Variants in PEAK3 observed in about 807,000 individuals in gnomAD.
The protein encoded by PEAK3 is PEAK family member 3.
A neutral mutation model predicts 13.3 loss-of-function variants in PEAK3; 15 were observed. That is an observed-to-expected ratio of 1.13 (90% CI 0.75 to 1.73). PEAK3 has a LOEUF of 1.73. PEAK3 is among the 40% of genes most tolerant of loss of function. The pLI is 0.00. For missense variants in PEAK3, 739 were observed against 690.2 expected, an observed-to-expected ratio of 1.07 and a Z score of -0.79; for synonymous variants, 347 against 341.9, an observed-to-expected ratio of 1.01 and a Z score of -0.17.
Position 2,277,319 on chromosome 19 carries a change from T to A in PEAK3, c.613-830A>T, listed in dbSNP as rs541475768. Among the ~76,000 whole-genome samples, 45 of 152,196 alleles carry A rather than the reference T, an allele frequency of 3.0e-4. 1 individual carries two copies. The highest frequency in any genetic ancestry group is 1.1e-3 in the African/African-American group (44 of 41,532). Reference sequence around the variant, plus strand: ...ATCTCCCTTGGCACTGTCGTTGGGATAACGAGTGAGTTCTCGTGAGATCTG... The same window carrying A: ...ATCTCCCTTGGCACTGTCGTTGGGAAAACGAGTGAGTTCTCGTGAGATCTG... On this transcript the variant is annotated intron_variant, in intron 3 of 3. Coordinates refer to ENST00000342063, the MANE Select transcript of PEAK3 (RefSeq NM_198532.3).
At position 2,275,850 on chromosome 19, in the gene PEAK3, G is replaced by A; in HGVS notation, c.1252C>T (p.Arg418Ter). Residue 418 changes from arginine to a stop codon, truncating the protein, a stop_gained, in exon 4 of 4, where the codon CGA (arginine) becomes TGA (stop). Coordinates refer to ENST00000342063, the MANE Select transcript of PEAK3 (RefSeq NM_198532.3). LOFTEE classifies it low-confidence loss of function (END_TRUNC). ...ACCCGCAGCCAGGGCCCGAGCGCTC[G>A]GAGCCAGGGACCAAGCGGTGCTCCG... ...GRGAPLGPWL[R>*]ALGPWLRVRR... The A allele has an allele frequency of 1.3e-6, 2 of 1,490,074 alleles. No individual in the cohort carries two copies. The highest frequency in any genetic ancestry group is 1.8e-6 in the Non-Finnish European group (2 of 1,126,118). The allele number at this position is 1,490,074 out of a possible 1,614,324, so 92.3% of individuals were successfully genotyped here.
Position 2,275,841 on chromosome 19 carries a change from C to G in PEAK3, c.1261G>C (p.Gly421Arg). 1.3e-6 allele frequency: 2 copies of G among 1,498,688 alleles called. No individual in the cohort carries two copies. The highest frequency in any genetic ancestry group is 1.8e-6 in the Non-Finnish European group (2 of 1,129,822). 92.8% of individuals were successfully genotyped at this position (1,498,688 alleles called of 1,614,324 possible). A position where few individuals can be genotyped will look rare whatever the true frequency, so the allele number is the denominator to read the frequency against. ...CCGCGGCGCACCCGCAGCCAGGGCC[C>G]GAGCGCTCGGAGCCAGGGACCAAGC... is the stretch of plus-strand genomic sequence containing the variant. ...APLGPWLRAL[G>R]PWLRVRRGLL... is the part of the protein sequence containing the mutation. Residue 421 changes from glycine (G) to arginine (R), a missense_variant, in exon 4 of 4, where the codon GGG becomes CGG. Transcript: ENST00000342063.
intron 2 of PEAK3, 152 bp from the exon 3 acceptor site, chr19:2,279,265 A>AAGGT (rs142360555): frequency 0.087 from 53,123 of 612,572 alleles, 4,352 homozygotes; most frequent in East Asian, 0.35. Flanking sequence ...AGCACTTAGG[A>AAGGT]AGGTGGAAGC....
At position 2,280,902 on chromosome 19, in the gene PEAK3, G is replaced by A. The variant is rs377061660; in HGVS notation, c.30C>T (p.Pro10=). The A allele has an allele frequency of 4.3e-5, 69 of 1,589,918 alleles. No individual in the cohort carries two copies. In the South Asian group the frequency reaches 4.4e-4, roughly 10 times the overall value. MSSPEPPTE[P]PEPDNPTWST... is the part of the protein sequence containing the mutation. ...ACCAGGTGGGGTTGTCGGGCTCGGGGGGCTCTGTGGGGGGCTCCGGGCTGC... is the reference window on the plus strand; with the variant it reads ...ACCAGGTGGGGTTGTCGGGCTCGGGAGGCTCTGTGGGGGGCTCCGGGCTGC... The change falls in exon 2 of 4, where the codon CCC becomes CCT. Residue 10 remains proline, a synonymous_variant. Coordinates refer to ENST00000342063, the MANE Select transcript of PEAK3 (RefSeq NM_198532.3).
rs2025375245 is a variant in PEAK3 at position 2,275,434 on chromosome 19, G to A, written c.*246C>T. On this transcript the variant is annotated 3_prime_UTR_variant, in exon 4 of 4. Transcript: ENST00000342063. ...GGCGTGGGGGCCCTGGCTTCAGAGA[G>A]CTGCTGCCCAACACAGGAGGCGCTG... 1 of 365,960 alleles carries A rather than the reference G, an allele frequency of 2.7e-6. No homozygotes were observed. Among genetic ancestry groups the A allele is most frequent in the Non-Finnish European group, 4.9e-6 (1 of 204,954 alleles). 22.7% of individuals were successfully genotyped at this position (365,960 alleles called of 1,614,324 possible).
At chr19:2,277,712 C>A (rs945592287) in intron 3 of PEAK3, among the ~76,000 whole-genome samples, 3 of 151,970 alleles carry the variant, frequency 2.0e-5, no homozygotes, top group African/African-American at 7.3e-5. Flanking sequence ...ACTTCAGGTG[C>A]GCACCACCGC....
rs764157772 is a variant in PEAK3 at position 2,276,273 on chromosome 19, ACTC to A, written c.826_828del (p.Glu276del). ...AGCAGCAGGGCCACAGCCCACACGAACTCCTCCGGCGGCTGCGTGCAGGCCTCC... is the reference window on the plus strand; with the variant it reads ...AGCAGCAGGGCCACAGCCCACACGAACTCCGGCGGCTGCGTGCAGGCCTCC... On this transcript the variant is annotated inframe_deletion, in exon 4 of 4. Coordinates refer to ENST00000342063, the MANE Select transcript of PEAK3 (RefSeq NM_198532.3). 2.5e-6 allele frequency: 4 copies of A among 1,592,170 alleles called. No individual in the cohort carries two copies. Among genetic ancestry groups the A allele is most frequent in the Non-Finnish European group, 2.6e-6 (3 of 1,175,958 alleles).
In PEAK3 at chr19:2,275,715, A is replaced by G; in HGVS notation, c.1387T>C (p.Ser463Pro). 6.5e-7 allele frequency: 1 copy of G among 1,544,592 alleles called. No individual in the cohort carries two copies. The highest frequency in any genetic ancestry group is 8.7e-7 in the Non-Finnish European group (1 of 1,146,258). ...AGCAGCGCCAGGGCCTGGCCCATCGAGGACTCGGTGGCCTCGGCCAGGTAT... is the reference window on the plus strand; with the variant it reads ...AGCAGCGCCAGGGCCTGGCCCATCGGGGACTCGGTGGCCTCGGCCAGGTAT... The part of the protein sequence containing the change: ...CEYLAEATES[S>P]MGQALALLWD Residue 463 changes from serine to proline, a missense_variant, in exon 4 of 4, where the codon TCG (serine) becomes CCG (proline). Coordinates refer to ENST00000342063, the MANE Select transcript of PEAK3 (RefSeq NM_198532.3).
intron 1 of PEAK3, among the ~76,000 whole-genome samples, chr19:2,281,695 T>C (rs1473822465): frequency 1.5e-4 from 16 of 105,492 alleles, no homozygotes; most frequent in Admixed American, 4.8e-4. Context: ...GGTTTCCTAC[T>C]CTCTCTGGGC....
In PEAK3 at chr19:2,278,767, C is replaced by G. The variant is rs1000340300; in HGVS notation, c.429G>C (p.Leu143=). ...AVHTALAARQ[L]QGLRTIYARL... ...GGGCATAGATGGTACGGAGGCCCTG[C>G]AGCTGCCGCGCAGCCAGTGCAGTGT... The change falls in exon 3 of 4, where the codon CTG becomes CTC. Residue 143 remains leucine, a synonymous_variant. Transcript: ENST00000342063. The G allele has an allele frequency of 1.9e-6, 3 of 1,558,462 alleles. No homozygotes were observed. Among genetic ancestry groups the G allele is most frequent in the Non-Finnish European group, 2.6e-6 (3 of 1,149,106 alleles).
Position 2,275,616 on chromosome 19 carries a change from G to A in PEAK3, c.*64C>T, listed in dbSNP as rs1599156790. Reference sequence around the variant, plus strand: ...GTGTCTTGGCTATCATGGAGACGCTGACCTCAGCCCCAGCCCTGCCTCCTG... The same window carrying A: ...GTGTCTTGGCTATCATGGAGACGCTAACCTCAGCCCCAGCCCTGCCTCCTG... On this transcript the variant is annotated 3_prime_UTR_variant, in exon 4 of 4. Coordinates refer to ENST00000342063, the MANE Select transcript of PEAK3 (RefSeq NM_198532.3). 13 of 1,317,352 alleles carry A rather than the reference G, an allele frequency of 9.9e-6. No homozygotes were observed. In the Admixed American group the frequency reaches 4.1e-4, roughly 42 times the overall value. 81.6% of individuals were successfully genotyped at this position (1,317,352 alleles called of 1,614,324 possible).
intron 3 of PEAK3, among the ~76,000 whole-genome samples, chr19:2,278,315 C>T (rs1236638970): frequency 1.4e-5 from 2 of 147,420 alleles, no homozygotes; most frequent in East Asian, 2.0e-4. Context: ...CAGGCGCCCG[C>T]CACCACACCT....
intron 1 of PEAK3, among the ~76,000 whole-genome samples, chr19:2,281,324 A>G (rs4432373): frequency 8.9e-5 from 2 of 22,524 alleles, no homozygotes; most frequent in African/African-American, 3.8e-4. Flanking sequence ...TGGGCCCCTG[A>G]TGTGTGATCC....
chr19:2,278,919 A>T lies in PEAK3; in HGVS notation c.277T>A (p.Ser93Thr). ...GCCTGGCTCTTGTCCACACTGTGGGACCCCAGAAAGGGTCTCCGAGGCGGC... is the reference window on the plus strand; with the variant it reads ...GCCTGGCTCTTGTCCACACTGTGGGTCCCCAGAAAGGGTCTCCGAGGCGGC... ...VQPPRRPFLG[S>T]HSVDKSQAAV... The change falls in exon 3 of 4, where the codon TCC (serine) becomes ACC (threonine). Residue 93 changes from serine (S) to threonine (T), a missense_variant. By Grantham distance (58) the Ser-to-Thr change is moderately conservative (BLOSUM62 1). Transcript: ENST00000342063. The T allele has an allele frequency of 5.6e-6, 9 of 1,603,682 alleles. No homozygotes were observed. The highest frequency in any genetic ancestry group is 6.8e-6 in the Non-Finnish European group (8 of 1,175,708).
chr19:2,275,818 G>T lies in PEAK3; in HGVS notation c.1284C>A (p.Arg428=), dbSNP rs145140408. The change falls in exon 4 of 4, where the codon CGC becomes CGA. Residue 428 remains arginine, a synonymous_variant. Transcript: ENST00000342063. ...RALGPWLRVR[R]GLLVLRLAER... ...CTGCTAGGCGCAGGACCAGCAGCCC[G>T]CGGCGCACCCGCAGCCAGGGCCCGA... 4 of 1,526,182 alleles carry T rather than the reference G, an allele frequency of 2.6e-6. No homozygotes were observed. In the African/African-American group the frequency reaches 5.7e-5, roughly 22 times the overall value. The allele number at this position is 1,526,182 out of a possible 1,614,324, so 94.5% of individuals were successfully genotyped here.
intron 3 of PEAK3, among the ~76,000 whole-genome samples, chr19:2,277,395 C>A (rs1156826794): frequency 2.0e-5 from 3 of 152,050 alleles, no homozygotes; most frequent in Non-Finnish European, 2.9e-5. Flanking sequence ...CTGCTCCCAC[C>A]GTGTGAGATG....
chr19:2,277,326 T>C (rs1202683031), intron 3 of PEAK3, among the ~76,000 whole-genome samples: 1 of 151,948 alleles, frequency 6.6e-6, no homozygotes, highest in Non-Finnish European at 1.5e-5. Context: ...GGATAACGAG[T>C]GAGTTCTCGT....
rs1306443245 is a variant in PEAK3 at position 2,276,283 on chromosome 19, C to T, written c.819G>A (p.Pro273=). The T allele has an allele frequency of 1.5e-5, 24 of 1,591,552 alleles. No homozygotes were observed. The highest frequency in any genetic ancestry group is 2.3e-5 in the East Asian group (1 of 43,894). Residue 273 remains proline (P), a synonymous_variant, in exon 4 of 4, where the codon CCG becomes CCA. Coordinates refer to ENST00000342063, the MANE Select transcript of PEAK3 (RefSeq NM_198532.3). ...CCACAGCCCACACGAACTCCTCCGGCGGCTGCGTGCAGGCCTCCGCCAGCC... is the reference window on the plus strand; with the variant it reads ...CCACAGCCCACACGAACTCCTCCGGTGGCTGCGTGCAGGCCTCCGCCAGCC... The part of the protein sequence containing the change: ...AQWLAEACTQ[P]PEEFVWAVAL...
chr19:2,281,921 G>A (rs566591355), intron 1 of PEAK3, among the ~76,000 whole-genome samples, 166 bp downstream of exon 1: 97 of 152,224 alleles, frequency 6.4e-4, no homozygotes, highest in East Asian at 2.3e-3. Flanking sequence ...GGTCAGTTGC[G>A]GGGGAGACAG....
Sources: allele counts gnomAD v4.1 joint callset (sites outside exome capture counted in the v4.1 genomes callset), GRCh38; gene constraint gnomAD v4.1.1; transcripts MANE v1.5; gene names NCBI Gene and HGNC (gene_info 2026-07-23, HGNC 2026-07-21).